PAGE3: variants seen among roughly 807,000 people sequenced by gnomAD.
PAGE3 encodes the protein P antigen family member 3.
Under a neutral mutation model 3.8 loss-of-function variants are expected in PAGE3, and 9 were observed. The observed-to-expected ratio is 2.36, with a 90% CI of 1.42 to 4.12. The LOEUF is 4.12. PAGE3 is among the 30% of genes most tolerant of loss of function. PAGE3 has a pLI of 0.00. For synonymous variants in PAGE3, 24 were observed against 13.1 expected, an observed-to-expected ratio of 1.83 and a Z score of -1.79; for missense variants, 73 against 37.8, an observed-to-expected ratio of 1.93 and a Z score of -2.44.
In PAGE3 at chrX:55,263,883, T is replaced by C; in HGVS notation, c.21A>G (p.Thr7=). The C allele has an allele frequency of 1.8e-6, 1 of 568,642 alleles. No homozygotes were observed. The highest frequency in any genetic ancestry group is 3.2e-6 in the Non-Finnish European group (1 of 309,089). The allele number at this position is 568,642 out of a possible 1,213,427, so 46.9% of individuals were successfully genotyped here. The part of the protein sequence containing the change: MSGHQR[T]RSRSRERRDD... ...CTCTTCTTTCTCTAGATCTGGATCT[T>C]GTTCTTTGATGTCCACTCATGTTTC... The change falls in exon 2 of 5, where the codon ACA becomes ACG. Residue 7 remains threonine (T), a synonymous_variant. Coordinates refer to ENST00000374951, the MANE Select transcript of PAGE3 (RefSeq NM_001017931.3).
intron 4 of PAGE3, among the ~76,000 whole-genome samples, chrX:55,258,779 T>A (rs1938239135): frequency 9.0e-6 from 1 of 110,655 alleles, no homozygotes; most frequent in Non-Finnish European, 1.9e-5. Context: ...TTTGATCAAA[T>A]GAACCTATTT....
In PAGE3 at chrX:55,260,621, A is replaced by G. The variant is rs773853906; in HGVS notation, c.232T>C (p.Ser78Pro). ...TCTCCACGTTCACCCCCAGTCTTTG[A>G]CCGAGTCAGTTCCCAGAGATAGGCT... ...LAAYLWELTR[S>P]KTGGERGDGP... The change falls in exon 4 of 5, where the codon TCA (serine) becomes CCA (proline). Residue 78 changes from serine to proline, a missense_variant. By Grantham distance (74) the Ser-to-Pro change is moderately conservative. Transcript: ENST00000374951. 2.3e-5 allele frequency: 13 copies of G among 561,420 alleles called. No individual in the cohort carries two copies. The South Asian group carries it at 3.0e-4, about 13-fold the overall frequency. 46.3% of individuals were successfully genotyped at this position (561,420 alleles called of 1,213,427 possible).
intron 3 of PAGE3, among the ~76,000 whole-genome samples, chrX:55,261,467 A>G (rs371091210): frequency 3.0e-4 from 34 of 112,017 alleles, no homozygotes; most frequent in African/African-American, 1.1e-3. Context: ...GTTGATTATA[A>G]TAATCTTGCA....
At chrX:55,259,006 G>A (rs1938241897) in intron 4 of PAGE3, among the ~76,000 whole-genome samples, 1 of 111,670 alleles carries the variant, frequency 9.0e-6, no homozygotes, top group African/African-American at 3.2e-5. Flanking sequence ...TCTGTTATGG[G>A]AAAATGCTAA....
chrX:55,261,591 C>T (rs777850522), intron 3 of PAGE3, among the ~76,000 whole-genome samples: 1 of 111,761 alleles, frequency 8.9e-6, no homozygotes, highest in East Asian at 2.8e-4. Context: ...ACATTAACAG[C>T]AACTAGGATT....
In PAGE3 at chrX:55,260,544, T is replaced by C. The variant is rs375793042; in HGVS notation, c.309A>G (p.Ile103Met). The C allele has an allele frequency of 1.1e-5, 6 of 564,381 alleles. No individual in the cohort carries two copies. The African/African-American group carries it at 1.3e-4, about 13-fold the overall frequency. 46.5% of individuals were successfully genotyped at this position (564,381 alleles called of 1,213,427 possible). ...EFLPNLEPVK[I>M]PEAGEGQPSV ...TAATGAATAACTTACCTGCTTCTGG[T>C]ATTTTAACAGGCTCCAGATTTGGCA... The change falls in exon 4 of 5, where the codon ATA becomes ATG. Residue 103 changes from isoleucine to methionine, a missense_variant. By Grantham distance (10) the Ile-to-Met change is conservative (BLOSUM62 1). Coordinates refer to ENST00000374951, the MANE Select transcript of PAGE3 (RefSeq NM_001017931.3).
intron 3 of PAGE3, among the ~76,000 whole-genome samples, chrX:55,261,136 T>TA (rs1938281011): frequency 9.0e-6 from 1 of 111,641 alleles, no homozygotes; most frequent in Non-Finnish European, 1.9e-5. Flanking sequence ...TCCATTCTCT[T>TA]AAAAAATACC....
chrX:55,263,237 C>T lies in PAGE3; in HGVS notation c.193+14G>A, dbSNP rs964034251. On this transcript the variant is annotated intron_variant, in intron 3 of 4. Coordinates refer to ENST00000374951, the MANE Select transcript of PAGE3 (RefSeq NM_001017931.3). ...CCCTCCATTCATAGGCATTCTTCCTCTCCCACGCTTCACCTTGGAAGTCCA... is the reference window on the plus strand; with the variant it reads ...CCCTCCATTCATAGGCATTCTTCCTTTCCCACGCTTCACCTTGGAAGTCCA... 1 of 565,214 alleles carries T rather than the reference C, an allele frequency of 1.8e-6. No individual in the cohort carries two copies. The highest frequency in any genetic ancestry group is 3.3e-6 in the Non-Finnish European group (1 of 306,938). The allele number at this position is 565,214 out of a possible 1,213,427, so 46.6% of individuals were successfully genotyped here. A position where few individuals can be genotyped will look rare whatever the true frequency, so the allele number is the denominator to read the frequency against.
rs1425651727 is a variant in PAGE3, at chrX:55,264,751, C to T, written c.-214G>A. On this transcript the variant is annotated 5_prime_UTR_variant, in exon 1 of 5. Transcript: ENST00000374951. ...TGTGCCGCAGGACCTGTCCAAAGCC[C>T]GCTGGCTCCCCTTCACATTCACTCA... 1.8e-5 allele frequency: 2 copies of T among 111,519 alleles called. No individual in the cohort carries two copies. Among genetic ancestry groups the T allele is most frequent in the African/African-American group, 3.3e-5 (1 of 30,663 alleles). The allele number at this position is 111,519 out of a possible 1,213,427, so 9.2% of individuals were successfully genotyped here. A position where few individuals can be genotyped will look rare whatever the true frequency, so the allele number is the denominator to read the frequency against.
At chrX:55,263,023 G>T (rs1259340518) in intron 3 of PAGE3, among the ~76,000 whole-genome samples, 1 of 109,873 alleles carries the variant, frequency 9.1e-6, no homozygotes, top group Non-Finnish European at 1.9e-5. Context: ...ATTTGCTAAT[G>T]AAATGCTCTG....
rs1601961570 is a variant in PAGE3 at position 55,258,516 on chromosome X, G to A, written c.332C>T (p.Pro111Leu). The A allele has an allele frequency of 1.8e-6, 1 of 563,722 alleles. No homozygotes were observed. Among genetic ancestry groups the A allele is most frequent in the Non-Finnish European group, 3.3e-6 (1 of 306,593 alleles). 46.5% of individuals were successfully genotyped at this position (563,722 alleles called of 1,213,427 possible). The change falls in exon 5 of 5, where the codon CCA (proline) becomes CTA (leucine). Residue 111 changes from proline to leucine, a missense_variant. Pro to Leu is a moderately conservative substitution (Grantham distance 98). Transcript: ENST00000374951. ...TCAGCTTGTCTTCATTTAAACCGAT[G>A]GTTGCCCTTCACCTATAAGATAAAC... ...VKIPEAGEGQ[P>L]SV
At chrX:55,261,563 CAA>C (rs910536489) in intron 3 of PAGE3, among the ~76,000 whole-genome samples, 78 of 111,600 alleles carry the variant, frequency 7.0e-4, no homozygotes, top group African/African-American at 2.5e-3. Flanking sequence ...TTCAGGAAGA[CAA>C]GAGTTATTTT....
chrX:55,258,674 A>G (rs952315165), intron 4 of PAGE3, 146 bp from the exon 5 acceptor site: 2 of 377,365 alleles, frequency 5.3e-6, no homozygotes, highest in Admixed American at 1.0e-4. Context: ...AAACCGCTAT[A>G]GAGACTTTGA....
Position 55,263,845 on chromosome X carries a change from G to C in PAGE3, c.59C>G (p.Ser20Cys). Residue 20 changes from serine (S) to cysteine (C), a missense_variant, in exon 2 of 5, where the codon TCT becomes TGT. Ser to Cys is a moderately radical substitution (Grantham distance 112, BLOSUM62 -1). Transcript: ENST00000374951. The part of the protein sequence containing the change: ...RSRERRDDQD[S>C]NHPVGAVVAQ... ...AACCACAGCCCCTACTGGATGATTA[G>C]AGTCTTGATCATCTCTTCTTTCTCT... The C allele has an allele frequency of 1.8e-6, 1 of 568,804 alleles. No individual in the cohort carries two copies. Among genetic ancestry groups the C allele is most frequent in the Middle Eastern group, 3.1e-4 (1 of 3,239 alleles). 46.9% of individuals were successfully genotyped at this position (568,804 alleles called of 1,213,427 possible). A position where few individuals can be genotyped will look rare whatever the true frequency, so the allele number is the denominator to read the frequency against.
At chrX:55,261,411 G>A (rs1304250459) in intron 3 of PAGE3, among the ~76,000 whole-genome samples, 1 of 111,936 alleles carries the variant, frequency 8.9e-6, no homozygotes, top group Admixed American at 9.5e-5. Flanking sequence ...TGAAATCAAT[G>A]TGGCAAAACT....
intron 2 of PAGE3, 28 bp downstream of exon 2, chrX:55,263,792 A>G (rs370689626): frequency 3.5e-5 from 19 of 546,858 alleles, no homozygotes; most frequent in Non-Finnish European, 5.6e-5. Flanking sequence ...AGTTTCTAAT[A>G]GAAAATATCA....
rs190008807 is a variant in PAGE3, at chrX:55,258,762, G to A, written c.320-234C>T. ...AGTGTATAAGAAAGAGTTTGAGTTC[G>A]AAATGATTTGATCAAATGAACCTAT... On this transcript the variant is annotated intron_variant, in intron 4 of 4. Coordinates refer to ENST00000374951, the MANE Select transcript of PAGE3 (RefSeq NM_001017931.3). Among the ~76,000 whole-genome samples the A allele has an allele frequency of 4.1e-3, 455 of 110,227 alleles. 3 individuals are homozygous for A. Among genetic ancestry groups the A allele is most frequent in the African/African-American group, 0.014 (414 of 30,424 alleles).
chrX:55,260,232 T>TA (rs1938264128), intron 4 of PAGE3, among the ~76,000 whole-genome samples: 1 of 111,647 alleles, frequency 9.0e-6, no homozygotes, highest in Admixed American at 9.6e-5. Flanking sequence ...TAGGTATTTA[T>TA]TAAAAGCAGA....
intron 3 of PAGE3, among the ~76,000 whole-genome samples, chrX:55,262,058 C>A (rs749271235): frequency 5.4e-5 from 6 of 111,568 alleles, no homozygotes; most frequent in Non-Finnish European, 1.1e-4. Context: ...AAATCGTTGA[C>A]TTCCAGCAAG....
Sources: gnomAD v4.1 joint callset for allele counts (sites outside exome capture counted in the v4.1 genomes callset) on GRCh38, gnomAD v4.1.1 for gene constraint, MANE v1.5 for transcripts, NCBI Gene and HGNC (gene_info 2026-07-23, HGNC 2026-07-21) for gene names.